ZNF532: variants seen among roughly 807,000 people sequenced by gnomAD.
ZNF532 encodes the protein zinc finger protein 532.
Under a neutral mutation model 89.3 loss-of-function variants are expected in ZNF532, and 22 were observed. The ratio of observed to expected loss-of-function variants is 0.25; its 90% CI spans 0.18 to 0.35. ZNF532 has a LOEUF of 0.35. Ranked by LOEUF, ZNF532 falls within the 10% of genes least tolerant of loss-of-function variation. The pLI is 1.00. For synonymous variants in ZNF532, 606 were observed against 649.6 expected (o/e 0.93, Z 1.02); for missense variants, 1,132 against 1,643.4 (o/e 0.69, Z 5.38).
chr18:58,868,556 A>G (rs1372409584), intron 2 of ZNF532, among the ~76,000 whole-genome samples: 1 of 152,174 alleles, frequency 6.6e-6, no homozygotes, highest in African/African-American at 2.4e-5. Flanking sequence ...TGGGCTTTCT[A>G]GAATGTCAGA....
intron 5 of ZNF532, among the ~76,000 whole-genome samples, chr18:58,943,478 T>C (rs916538692): frequency 2.0e-5 from 3 of 151,428 alleles, no homozygotes; most frequent in Non-Finnish European, 4.4e-5. Context: ...TTTTTCCTTT[T>C]TTTGAGATGG....
chr18:58,914,066 A>G (rs987627187), intron 2 of ZNF532, among the ~76,000 whole-genome samples: 2 of 152,264 alleles, frequency 1.3e-5, no homozygotes, highest in African/African-American at 4.8e-5. Context: ...GTTACAAAGT[A>G]TGAGAAGTAT....
rs765735407 is a variant in ZNF532 at position 58,918,461 on chromosome 18, T to C, written c.174T>C (p.Asp58=). 6.8e-6 allele frequency: 11 copies of C among 1,614,180 alleles called. No individual in the cohort carries two copies. In the Admixed American group the frequency reaches 1.2e-4, roughly 17 times the overall value. ...EDDSHAPSSS[D]VGVSVIVKNV... is the part of the protein sequence containing the mutation. The stretch of plus-strand genomic sequence containing the variant: ...ACTCCCACGCACCATCATCTTCTGA[T>C]GTGGGTGTCAGCGTTATCGTCAAGA... The change falls in exon 3 of 10, where the codon GAT becomes GAC. Residue 58 remains aspartate (D), a synonymous_variant. Coordinates refer to ENST00000591808, the MANE Select transcript of ZNF532 (RefSeq NM_001375912.1).
At chr18:58,897,056 T>C (rs1002053507) in intron 2 of ZNF532, among the ~76,000 whole-genome samples, 2 of 152,012 alleles carry the variant, frequency 1.3e-5, no homozygotes, top group African/African-American at 4.8e-5. Flanking sequence ...TTCTGTTTTT[T>C]CCCCCGGGGC....
chr18:58,908,288 G>A (rs1472774567), intron 2 of ZNF532, among the ~76,000 whole-genome samples: 1 of 152,232 alleles, frequency 6.6e-6, no homozygotes, highest in Non-Finnish European at 1.5e-5. Flanking sequence ...TATTGTTTGT[G>A]TGTTGTGTAG....
intron 2 of ZNF532, among the ~76,000 whole-genome samples, chr18:58,873,315 C>G (rs1391901534): frequency 6.6e-6 from 1 of 152,196 alleles, no homozygotes; most frequent in Non-Finnish European, 1.5e-5. Flanking sequence ...AGCCACTGCA[C>G]CCAACTATGT....
At chr18:58,973,407 G>C (rs561464298) in intron 7 of ZNF532, among the ~76,000 whole-genome samples, 2 of 152,290 alleles carry the variant, frequency 1.3e-5, no homozygotes, top group African/African-American at 4.8e-5. Flanking sequence ...TGGCCAGAAA[G>C]ATTTTTTTGT....
intron 2 of ZNF532, among the ~76,000 whole-genome samples, chr18:58,869,769 T>G (rs902340684): frequency 1.4e-4 from 21 of 149,488 alleles, no homozygotes; most frequent in Non-Finnish European, 2.8e-4. Flanking sequence ...TCTGTTTTTT[T>G]TTTTTTTTTT....
intron 7 of ZNF532, chr18:58,954,471 C>T (rs1308543113): frequency 5.5e-6 from 1 of 182,942 alleles, no homozygotes; most frequent in Non-Finnish European, 1.0e-5. Context: ...TCCTGATTGT[C>T]TCAAAGTTGG....
At chr18:58,888,805 A>G (rs1251799367) in intron 2 of ZNF532, among the ~76,000 whole-genome samples, 1 of 56,720 alleles carries the variant, frequency 1.8e-5, no homozygotes, top group African/African-American at 1.0e-4. Context: ...TAATTTATAT[A>G]TATAAAAAAT....
intron 3 of ZNF532, among the ~76,000 whole-genome samples, chr18:58,924,347 G>A (rs2061363070): frequency 6.6e-6 from 1 of 152,240 alleles, no homozygotes; most frequent in African/African-American, 2.4e-5. Flanking sequence ...CTCTGGGGCA[G>A]GATGCCCTGG....
At chr18:58,929,852 T>C (rs1315944203) in intron 3 of ZNF532, among the ~76,000 whole-genome samples, 1 of 152,260 alleles carries the variant, frequency 6.6e-6, no homozygotes, top group Non-Finnish European at 1.5e-5. Context: ...CTTTGTGTTC[T>C]CAGTGTGAAA....
chr18:58,863,573 G>T, upstream of ZNF532: 1 of 4,668 alleles, frequency 2.1e-4, no homozygotes, highest in South Asian at 8.6e-3. Flanking sequence ...CACAGACCCC[G>T]GCAGCGGGAA....
chr18:58,974,175 T>C (rs191441799), intron 7 of ZNF532, among the ~76,000 whole-genome samples: 361 of 152,340 alleles, frequency 2.4e-3, no homozygotes, highest in Middle Eastern at 6.8e-3. Flanking sequence ...TTACATAGTT[T>C]AAAAATTTAA....
Position 58,918,519 on chromosome 18 carries a change from G to C in ZNF532, c.232G>C (p.Glu78Gln), listed in dbSNP as rs879099201. Residue 78 changes from glutamate (E) to glutamine (Q), a missense_variant, in exon 3 of 10, where the codon GAG becomes CAG. Around this residue, in one of 9 missense-constraint regions of ZNF532, gnomAD observed 302 missense variants for 319.8 expected, o/e 0.94. Coordinates refer to ENST00000591808, the MANE Select transcript of ZNF532 (RefSeq NM_001375912.1). ...VRNIDSSEGG[E>Q]KDGHNPTGNG... Reference sequence around the variant, plus strand: ...GAACATTGACTCTTCCGAGGGCGGGGAGAAAGACGGCCACAACCCCACTGG... The same window carrying C: ...GAACATTGACTCTTCCGAGGGCGGGCAGAAAGACGGCCACAACCCCACTGG... 5 of 1,614,230 alleles carry C rather than the reference G, an allele frequency of 3.1e-6. No homozygotes were observed. The highest frequency in any genetic ancestry group is 4.2e-6 in the Non-Finnish European group (5 of 1,180,050).
intron 5 of ZNF532, 60 bp from the exon 6 acceptor site, chr18:58,948,007 G>C: frequency 6.6e-7 from 1 of 1,512,910 alleles, no homozygotes; most frequent in Non-Finnish European, 8.9e-7. Flanking sequence ...CTATAAAGTA[G>C]CAGATCCTTT....
intron 7 of ZNF532, among the ~76,000 whole-genome samples, chr18:58,962,607 CTTT>C (rs566874390): frequency 7.0e-6 from 1 of 143,684 alleles, no homozygotes; most frequent in African/African-American, 2.5e-5. Flanking sequence ...CCCTGGCATT[CTTT>C]TTTTTTTTTT....
intron 7 of ZNF532, among the ~76,000 whole-genome samples, chr18:58,959,931 G>C (rs2065186302): frequency 6.6e-6 from 1 of 152,026 alleles, no homozygotes; most frequent in Non-Finnish European, 1.5e-5. Flanking sequence ...CTTCTAAGTA[G>C]ATTTTTCTTC....
At chr18:58,876,179 C>G (rs1427192495) in intron 2 of ZNF532, among the ~76,000 whole-genome samples, 2 of 152,144 alleles carry the variant, frequency 1.3e-5, no homozygotes, top group African/African-American at 2.4e-5. Flanking sequence ...CGTGATCCGC[C>G]TGCCTCGGCC....
Sources: allele counts gnomAD v4.1 joint callset (sites outside exome capture counted in the v4.1 genomes callset), GRCh38; gene constraint gnomAD v4.1.1; regional missense constraint gnomAD v4.1.1; transcripts MANE v1.5; gene names NCBI Gene and HGNC (gene_info 2026-07-23, HGNC 2026-07-21).